The following CSMD1 variants were observed in gnomAD, a reference collection of about 807,000 sequenced individuals.
CSMD1 encodes CUB and sushi domain-containing protein 1.
Under a neutral mutation model 417.5 loss-of-function variants are expected in CSMD1, and 213 were observed. The ratio of observed to expected loss-of-function variants is 0.51; its 90% CI spans 0.46 to 0.57. The LOEUF is 0.57. CSMD1 is among the 20% of genes least tolerant of loss of function. CSMD1 has a pLI of 0.00. For missense variants in CSMD1, 6,923 were observed against 4,529.7 expected, an observed-to-expected ratio of 1.53 and a Z score of -15.17; for synonymous variants, 2,862 against 1,736.8, an observed-to-expected ratio of 1.65 and a Z score of -16.11.
intron 3 of CSMD1, among the ~76,000 whole-genome samples, chr8:4,097,339 C>G (rs1225650478): frequency 1.3e-5 from 2 of 152,110 alleles, no homozygotes; most frequent in African/African-American, 4.8e-5. Flanking sequence ...TCAGTTGACA[C>G]CTTTATAAAA....
At chr8:3,810,148 C>G (rs193015725) in intron 5 of CSMD1, among the ~76,000 whole-genome samples, 2 of 152,282 alleles carry the variant, frequency 1.3e-5, no homozygotes, top group Admixed American at 1.3e-4. Flanking sequence ...CCCCAACTGA[C>G]TATCATAGTG....
intron 1 of CSMD1, among the ~76,000 whole-genome samples, chr8:4,915,403 G>C (rs142714948): frequency 1.7e-4 from 26 of 152,286 alleles, no homozygotes; most frequent in African/African-American, 5.1e-4. Flanking sequence ...TTTTAGATAA[G>C]AAATTGTTTA....
chr8:4,342,036 T>C (rs1455317199), intron 3 of CSMD1, among the ~76,000 whole-genome samples: 2 of 152,134 alleles, frequency 1.3e-5, no homozygotes, highest in African/African-American at 2.4e-5. Flanking sequence ...ATACAAATTC[T>C]TGATATGAAT....
chr8:3,713,639 C>G (rs1266915686), intron 6 of CSMD1, among the ~76,000 whole-genome samples: 4 of 152,180 alleles, frequency 2.6e-5, no homozygotes, highest in Non-Finnish European at 5.9e-5. Context: ...ATATGACTCA[C>G]TGTCTGAAAG....
chr8:4,210,843 G>T (rs927953906), intron 3 of CSMD1, among the ~76,000 whole-genome samples: 5 of 152,068 alleles, frequency 3.3e-5, no homozygotes, highest in East Asian at 1.9e-4. Context: ...TGTATCTCGG[G>T]AAAGAAATGT....
Position 3,945,736 on chromosome 8 carries a change from G to T in CSMD1, c.818+52167C>A, listed in dbSNP as rs145742317. On this transcript the variant is annotated intron_variant, in intron 5 of 69. Transcript: ENST00000635120. ...ATTTCCTTACCTTAGGTTACTAGGG[G>T]ATAGAAAACCAAGAAATGGGCTGGA... 3.9e-3 allele frequency among the ~76,000 whole-genome samples: 594 copies of T among 152,138 alleles called. 5 individuals carry two copies. The highest frequency in any genetic ancestry group is 0.014 in the African/African-American group (574 of 41,516).
At chr8:4,097,241 A>G (rs111228357) in intron 3 of CSMD1, among the ~76,000 whole-genome samples, 2 of 152,328 alleles carry the variant, frequency 1.3e-5, no homozygotes, top group African/African-American at 2.4e-5. Context: ...CTTTTGTAGT[A>G]CAAAGAACTG....
chr8:4,094,046 C>G (rs561428607), intron 3 of CSMD1, among the ~76,000 whole-genome samples: 1 of 152,046 alleles, frequency 6.6e-6, no homozygotes, highest in South Asian at 2.1e-4. Context: ...ATAGAATGCA[C>G]CAGAGAGCTG....
intron 41 of CSMD1, 35 bp from the exon 42 acceptor site, chr8:3,118,622 T>G: frequency 6.3e-7 from 1 of 1,588,398 alleles, no homozygotes. Context: ...AAAGCTTATA[T>G]TTGTGAGGTT....
chr8:4,361,238 A>C (rs1203447892), intron 3 of CSMD1, among the ~76,000 whole-genome samples: 2 of 152,202 alleles, frequency 1.3e-5, no homozygotes, highest in Non-Finnish European at 2.9e-5. Context: ...TTACTCAAAA[A>C]GCAGGAAGGA....
At chr8:4,849,222 A>G (rs548634986) in intron 1 of CSMD1, among the ~76,000 whole-genome samples, 5 of 152,112 alleles carry the variant, frequency 3.3e-5, no homozygotes, top group Admixed American at 6.5e-5. Flanking sequence ...TGTAGAATAA[A>G]GCTATAAAGA....
chr8:3,777,652 A>C (rs1798963276), intron 5 of CSMD1, among the ~76,000 whole-genome samples: 1 of 152,194 alleles, frequency 6.6e-6, no homozygotes, highest in South Asian at 2.1e-4. Context: ...AACTCCTCCA[A>C]GGAGCCTCCT....
At chr8:3,832,028 T>A (rs577053038) in intron 5 of CSMD1, among the ~76,000 whole-genome samples, 1 of 152,334 alleles carries the variant, frequency 6.6e-6, no homozygotes, top group Admixed American at 6.5e-5. Context: ...TCTGTCCTTC[T>A]CTGCGTTGCT....
At chr8:4,409,840 G>C (rs937211810) in intron 3 of CSMD1, among the ~76,000 whole-genome samples, 3 of 152,006 alleles carry the variant, frequency 2.0e-5, no homozygotes, top group African/African-American at 7.2e-5. Context: ...TTGAGACAGA[G>C]TCTCACTCTG....
At chr8:4,832,094 G>T (rs1054619814) in intron 1 of CSMD1, among the ~76,000 whole-genome samples, 1 of 152,074 alleles carries the variant, frequency 6.6e-6, no homozygotes, top group East Asian at 1.9e-4. Context: ...CTTCTCTTCG[G>T]GAACCTTTTG....
intron 5 of CSMD1, among the ~76,000 whole-genome samples, chr8:3,954,671 G>T (rs572277824): frequency 1.3e-5 from 2 of 152,164 alleles, no homozygotes; most frequent in African/African-American, 4.8e-5. Context: ...CGGATCCCAG[G>T]ACTTGTATAG....
intron 3 of CSMD1, among the ~76,000 whole-genome samples, chr8:4,323,214 T>G (rs1300322203): frequency 6.6e-6 from 1 of 152,226 alleles, no homozygotes; most frequent in Non-Finnish European, 1.5e-5. Context: ...CAGACCCATG[T>G]GATTGTAAGA....
intron 53 of CSMD1, among the ~76,000 whole-genome samples, chr8:2,999,176 A>G (rs1394773628): frequency 8.8e-6 from 1 of 113,000 alleles, no homozygotes; most frequent in Admixed American, 1.2e-4. Context: ...TTTTTTTGAG[A>G]TAGAGTCTTG....
chr8:3,863,043 G>C (rs959050845), intron 5 of CSMD1, among the ~76,000 whole-genome samples: 3 of 152,074 alleles, frequency 2.0e-5, no homozygotes, highest in Non-Finnish European at 4.4e-5. Context: ...CTCAAAGACG[G>C]CACCTCCCTG....
Sources: gnomAD v4.1 joint callset for allele counts (sites outside exome capture counted in the v4.1 genomes callset) on GRCh38, gnomAD v4.1.1 for gene constraint, MANE v1.5 for transcripts, NCBI Gene and HGNC (gene_info 2026-07-23, HGNC 2026-07-21) for gene names.